MPP7: variants seen among roughly 807,000 people sequenced by gnomAD.
MPP7 encodes the protein MAGUK p55 subfamily member 7.
In MPP7, 60 loss-of-function variants were observed where a neutral mutation model predicts 76.5. That is an observed-to-expected ratio of 0.78 (90% CI 0.64 to 0.97). The LOEUF (loss-of-function observed/expected upper bound fraction) is 0.97. Among genes scored for constraint, MPP7 ranks in the 50% least tolerant of loss-of-function variants. The probability of loss-of-function intolerance (pLI) is 0.00; values close to 1 mark genes in which losing one functional copy is unlikely to be tolerated. For synonymous variants in MPP7, 237 were observed against 244.5 expected, an observed-to-expected ratio of 0.97 and a Z score of 0.29; for missense variants, 641 against 694.0, an observed-to-expected ratio of 0.92 and a Z score of 0.86.
intron 13 of MPP7, among the ~76,000 whole-genome samples, chr10:28,060,942 A>G (rs1415476209): frequency 6.6e-6 from 1 of 152,220 alleles, no homozygotes; most frequent in Non-Finnish European, 1.5e-5. Flanking sequence ...TAAAGAACTG[A>G]GCTGAGATCT....
chr10:28,141,303 A>G (rs1314579300), intron 5 of MPP7, among the ~76,000 whole-genome samples: 1 of 152,172 alleles, frequency 6.6e-6, no homozygotes, highest in Admixed American at 6.5e-5. Flanking sequence ...GTATCCCCAT[A>G]AAAGTACAGA....
At chr10:28,226,316 G>A (rs976396023) in intron 2 of MPP7, among the ~76,000 whole-genome samples, 4 of 151,470 alleles carry the variant, frequency 2.6e-5, no homozygotes, top group Admixed American at 6.6e-5. Flanking sequence ...GTATAATCTC[G>A]GCTCACTGCA....
At chr10:28,228,932 GA>G (rs777028135) in intron 2 of MPP7, among the ~76,000 whole-genome samples, 22 of 152,154 alleles carry the variant, frequency 1.4e-4, no homozygotes, top group Non-Finnish European at 2.8e-4. Flanking sequence ...GCTGATGGCT[GA>G]TGGAAAGACC....
chr10:28,271,435 CT>C (rs1388342997), intron 1 of MPP7, among the ~76,000 whole-genome samples: 6 of 152,306 alleles, frequency 3.9e-5, no homozygotes, highest in Middle Eastern at 3.4e-3. Context: ...CATAAAGACA[CT>C]GTTCTCTTGC....
chr10:28,166,306 A>G (rs1382617911), intron 3 of MPP7, among the ~76,000 whole-genome samples: 1 of 151,952 alleles, frequency 6.6e-6, no homozygotes, highest in Non-Finnish European at 1.5e-5. Context: ...GAATAGTACA[A>G]ATATTTTACA....
chr10:28,161,472 A>G (rs1427277240), intron 3 of MPP7, among the ~76,000 whole-genome samples: 1 of 152,142 alleles, frequency 6.6e-6, no homozygotes, highest in Non-Finnish European at 1.5e-5. Context: ...TTTCAATAGA[A>G]CATGAAAGCT....
intron 1 of MPP7, among the ~76,000 whole-genome samples, chr10:28,260,327 T>C (rs1055653219): frequency 6.6e-6 from 1 of 152,216 alleles, no homozygotes. Context: ...TTAGTCTATA[T>C]GTATGCATTA....
At chr10:28,194,117 C>T (rs533318363) in intron 3 of MPP7, among the ~76,000 whole-genome samples, 60 of 152,342 alleles carry the variant, frequency 3.9e-4, no homozygotes, top group African/African-American at 1.3e-3. Flanking sequence ...TGGATTCAAG[C>T]GATTCTTCTG....
intron 3 of MPP7, among the ~76,000 whole-genome samples, chr10:28,173,208 T>A (rs1836742793): frequency 6.9e-6 from 1 of 145,966 alleles, no homozygotes. Context: ...AGGCTCAGAC[T>A]CAATAGGTGA....
At chr10:28,245,756 A>G (rs1304195382) in intron 1 of MPP7, among the ~76,000 whole-genome samples, 1 of 151,984 alleles carries the variant, frequency 6.6e-6, no homozygotes, top group Non-Finnish European at 1.5e-5. Context: ...AAAGGGATGC[A>G]TGAACAAAAT....
rs191746753 is a variant in MPP7 at position 28,110,098 on chromosome 10, T to C, written c.952+9553A>G. On this transcript the variant is annotated intron_variant, in intron 11 of 16. Coordinates refer to ENST00000683449, the MANE Select transcript of MPP7 (RefSeq NM_001318170.2). ...ATATTTTCTTCTTTTTTCTTTTTTCTTTTTTTTTTTGAGATGGAGTCTCAC... is the reference window on the plus strand; with the variant it reads ...ATATTTTCTTCTTTTTTCTTTTTTCCTTTTTTTTTTGAGATGGAGTCTCAC... 9.6e-5 allele frequency among the ~76,000 whole-genome samples: 14 copies of C among 145,750 alleles called. No individual in the cohort carries two copies. The East Asian group carries it at 2.4e-3, about 25-fold the overall frequency.
chr10:28,160,755 T>C (rs1836232238), intron 3 of MPP7, among the ~76,000 whole-genome samples: 1 of 152,206 alleles, frequency 6.6e-6, no homozygotes, highest in South Asian at 2.1e-4. Flanking sequence ...AAACACGGTC[T>C]TCTGAATCTG....
chr10:28,302,689 G>C (rs1841191213), intron 1 of MPP7, among the ~76,000 whole-genome samples, 172 bp downstream of exon 1: 1 of 151,726 alleles, frequency 6.6e-6, no homozygotes, highest in Non-Finnish European at 1.5e-5. Flanking sequence ...TCCTCACAAG[G>C]TGCCCGCCGC....
chr10:28,147,438 T>C, intron 5 of MPP7, 45 bp downstream of exon 5: 2 of 1,454,158 alleles, frequency 1.4e-6, no homozygotes, highest in South Asian at 1.1e-5. Flanking sequence ...GCTCAGAAAG[T>C]GGCCCTGTTT....
chr10:28,163,613 AT>A (rs1836338447), intron 3 of MPP7, among the ~76,000 whole-genome samples: 1 of 152,160 alleles, frequency 6.6e-6, no homozygotes, highest in Non-Finnish European at 1.5e-5. Context: ...AGTACTTGGA[AT>A]TTGACTGCCT....
rs950058398 is a variant in MPP7 at position 28,202,634 on chromosome 10, G to A, written c.38-363C>T. On this transcript the variant is annotated intron_variant, in intron 2 of 16. Coordinates refer to ENST00000683449, the MANE Select transcript of MPP7 (RefSeq NM_001318170.2). ...CAATCTGAGCCAAAGAGTGAAATGA[G>A]TTATGAATAGGAAAAACTTCCTTAG... Among the ~76,000 whole-genome samples, 4 of 152,158 alleles carry A rather than the reference G, an allele frequency of 2.6e-5. No homozygotes were observed. The South Asian group carries it at 8.3e-4, about 31-fold the overall frequency.
chr10:28,085,714 G>A (rs1347593661), intron 12 of MPP7, among the ~76,000 whole-genome samples: 1 of 152,166 alleles, frequency 6.6e-6, no homozygotes, highest in African/African-American at 2.4e-5. Flanking sequence ...GAATATCCCT[G>A]TTGGAAGACA....
chr10:28,158,787 C>T (rs1400050271), intron 3 of MPP7, among the ~76,000 whole-genome samples: 1 of 152,194 alleles, frequency 6.6e-6, no homozygotes, highest in Non-Finnish European at 1.5e-5. Context: ...AAGCCATGCA[C>T]TGTAAGAGAA....
rs58091618 is a variant in MPP7, at chr10:28,334,207, GA to G, written c.-206+210del. On this transcript the variant is annotated intron_variant, in intron 1 of 11. Coordinates refer to the MPP7 transcript ENST00000441595. ...CAGAGTGAGACCTTGTCTAAAAAAA[GA>G]AAAAAAAAATAGTGGCTGAGTCATC... 9.6e-3 allele frequency among the ~76,000 whole-genome samples: 1,385 copies of G among 143,684 alleles called. 19 individuals are homozygous for G. The highest frequency in any genetic ancestry group is 0.058 in the South Asian group (264 of 4,542). The allele number at this position is 143,684 out of a possible 152,430, so 94.3% of individuals were successfully genotyped here.
Sources: allele counts gnomAD v4.1 joint callset (sites outside exome capture counted in the v4.1 genomes callset), GRCh38; gene constraint gnomAD v4.1.1; transcripts MANE v1.5; gene names NCBI Gene and HGNC (gene_info 2026-07-23, HGNC 2026-07-21).